The following IL19 variants were observed in gnomAD, a reference collection of about 807,000 sequenced individuals.
IL19 encodes interleukin 19.
In IL19, 15 loss-of-function variants were observed where a neutral mutation model predicts 19.5. That is an observed-to-expected ratio of 0.77 (90% CI 0.52 to 1.19). The LOEUF is 1.19. Among genes scored for constraint, IL19 ranks in the 50% most tolerant of loss-of-function variants. The pLI is 0.00. For synonymous variants in IL19, 78 were observed against 78.3 expected (o/e 1.00, Z 0.02); for missense variants, 199 against 213.1 (o/e 0.93, Z 0.41).
intron 2 of IL19, among the ~76,000 whole-genome samples, chr1:206,810,429 T>A (rs1331108959): frequency 1.3e-5 from 2 of 152,188 alleles, no homozygotes; most frequent in African/African-American, 4.8e-5. Flanking sequence ...AGTGACTTTA[T>A]CACATGAAAT....
chr1:206,813,864 A>G (rs1676079342), intron 2 of IL19, among the ~76,000 whole-genome samples: 2 of 152,144 alleles, frequency 1.3e-5, no homozygotes, highest in Non-Finnish European at 2.9e-5. Context: ...GCCTCATTCA[A>G]TCAGTTGAAT....
chr1:206,833,991 G>A (rs888788943), intron 2 of IL19: 3 of 985,420 alleles, frequency 3.0e-6, no homozygotes, highest in Non-Finnish European at 3.6e-6. Context: ...GTGGCTGATT[G>A]AGAGTGCTTT....
At chr1:206,776,453 T>C (rs1200710133) in intron 1 of IL19, among the ~76,000 whole-genome samples, 1 of 151,932 alleles carries the variant, frequency 6.6e-6, no homozygotes, top group Non-Finnish European at 1.5e-5. Flanking sequence ...TGTGTGTGTG[T>C]GCTTATGCAA....
chr1:206,779,212 A>G (rs911086814), intron 1 of IL19, among the ~76,000 whole-genome samples: 6 of 152,206 alleles, frequency 3.9e-5, no homozygotes, highest in Non-Finnish European at 5.9e-5. Context: ...GCAGCAGAGC[A>G]TATTCTATAT....
At chr1:206,801,749 T>C (rs1374320384) in intron 2 of IL19, among the ~76,000 whole-genome samples, 1 of 152,246 alleles carries the variant, frequency 6.6e-6, no homozygotes, top group East Asian at 1.9e-4. Flanking sequence ...TGTTCTTATG[T>C]TCTTAAGTAG....
intron 5 of IL19, 25 bp from the exon 6 acceptor site, chr1:206,840,979 A>C (rs1351569751): frequency 6.2e-7 from 1 of 1,604,358 alleles, no homozygotes; most frequent in Non-Finnish European, 8.5e-7. Flanking sequence ...GTCCTCTGAT[A>C]GGAGCTTCCT....
At chr1:206,782,507 A>C (rs1462681525) in intron 1 of IL19, among the ~76,000 whole-genome samples, 1 of 152,202 alleles carries the variant, frequency 6.6e-6, no homozygotes, top group Non-Finnish European at 1.5e-5. Flanking sequence ...GATGTACCCA[A>C]AGGGCACCTG....
At chr1:206,842,379 T>C (rs1240468069) in intron 6 of IL19, 148 bp from the exon 7 acceptor site, 1 of 479,550 alleles carries the variant, frequency 2.1e-6, no homozygotes, top group African/African-American at 2.0e-5. Context: ...GAAAATAATA[T>C]TGAGTCTGTA....
intron 2 of IL19, among the ~76,000 whole-genome samples, chr1:206,800,215 A>G (rs575317479): frequency 1.2e-4 from 19 of 152,304 alleles, no homozygotes; most frequent in Admixed American, 1.0e-3. Flanking sequence ...TCCATACCCC[A>G]TTGAGCTTCC....
intron 1 of IL19, among the ~76,000 whole-genome samples, chr1:206,784,738 A>G (rs1675228584): frequency 6.6e-6 from 1 of 152,208 alleles, no homozygotes; most frequent in Non-Finnish European, 1.5e-5. Flanking sequence ...TTTCAGGGAG[A>G]AAAGAAGATT....
At chr1:206,795,129 C>G (rs1212714832) in intron 1 of IL19, among the ~76,000 whole-genome samples, 4 of 152,186 alleles carry the variant, frequency 2.6e-5, no homozygotes, top group East Asian at 1.9e-4. Flanking sequence ...TAGATCCAGA[C>G]ACAAGGGCCA....
intron 2 of IL19, among the ~76,000 whole-genome samples, chr1:206,814,929 A>T (rs1676114455): frequency 6.6e-6 from 1 of 152,192 alleles, no homozygotes; most frequent in Admixed American, 6.5e-5. Context: ...CTGTGTCACT[A>T]ATCATCTGAA....
chr1:206,789,065 CTTT>C (rs1558608227), intron 1 of IL19, among the ~76,000 whole-genome samples: 4 of 152,284 alleles, frequency 2.6e-5, no homozygotes, highest in Admixed American at 6.5e-5. Flanking sequence ...CTAGAGTGAC[CTTT>C]TCCTTTTCCG....
chr1:206,840,096 C>G (rs769208937), intron 5 of IL19, 94 bp downstream of exon 5: 10 of 1,384,046 alleles, frequency 7.2e-6, no homozygotes, highest in Middle Eastern at 1.8e-4. Context: ...TGATATGGTG[C>G]TTGGAGTCAA....
At chr1:206,812,274 T>C (rs777546344) in intron 2 of IL19, among the ~76,000 whole-genome samples, 7 of 152,226 alleles carry the variant, frequency 4.6e-5, no homozygotes, top group Non-Finnish European at 8.8e-5. Context: ...CATAGCCTAC[T>C]CACAGAATTT....
In IL19 at chr1:206,814,477, G is replaced by A. The variant is rs566737394; in HGVS notation, c.-3+15471G>A. Among the ~76,000 whole-genome samples the A allele has an allele frequency of 2.0e-5, 3 of 148,060 alleles. No individual in the cohort carries two copies. In the South Asian group the frequency reaches 6.7e-4, roughly 33 times the overall value. On this transcript the variant is annotated intron_variant, in intron 2 of 6. Transcript: ENST00000659997. The stretch of plus-strand genomic sequence containing the variant: ...AGGCTAAGGTGGGCAGATCACATGA[G>A]GCCAGGCATTCGAGATCAGCCTAAC...
intron 2 of IL19, among the ~76,000 whole-genome samples, chr1:206,803,714 T>C (rs572434955): frequency 1.3e-5 from 2 of 152,282 alleles, no homozygotes; most frequent in South Asian, 4.1e-4. Flanking sequence ...CTGCTTGCAA[T>C]GAGGTTTTTC....
At position 206,770,788 on chromosome 1, in the gene IL19, A is replaced by T; in HGVS notation, c.-439A>T. ...TGACTCCAGGAGTCTTTCCTCATTT[A>T]CAGCTAGCTCTGCCAGTCTGTGTCT... On this transcript the variant is annotated 5_prime_UTR_variant, in exon 1 of 7. Transcript: ENST00000659997. The T allele has an allele frequency of 9.8e-7, 1 of 1,015,404 alleles. No homozygotes were observed. Among genetic ancestry groups the T allele is most frequent in the Non-Finnish European group, 1.6e-6 (1 of 636,334 alleles). 62.9% of individuals were successfully genotyped at this position (1,015,404 alleles called of 1,614,324 possible).
chr1:206,790,466 GA>G (rs754896536), intron 1 of IL19, among the ~76,000 whole-genome samples: 4 of 152,184 alleles, frequency 2.6e-5, no homozygotes, highest in Non-Finnish European at 2.9e-5. Flanking sequence ...GAAAAAGAGG[GA>G]AAAAATGTAA....
Sources: allele counts gnomAD v4.1 joint callset (sites outside exome capture counted in the v4.1 genomes callset), GRCh38; gene constraint gnomAD v4.1.1; transcripts MANE v1.5; gene names NCBI Gene and HGNC (gene_info 2026-07-23, HGNC 2026-07-21).